Variants in ZNF609 observed in about 807,000 individuals in gnomAD.
ZNF609 encodes the protein zinc finger protein 609.
A neutral mutation model predicts 109.5 loss-of-function variants in ZNF609; 11 were observed. That is an observed-to-expected ratio of 0.10 (90% CI 0.06 to 0.17). The LOEUF is 0.17. Ranked by LOEUF, ZNF609 falls within the 10% of genes least tolerant of loss-of-function variation. The probability of loss-of-function intolerance (pLI) is 1.00; values close to 1 mark genes in which losing one functional copy is unlikely to be tolerated. For synonymous variants in ZNF609, 646 were observed against 662.0 expected (o/e 0.98, Z 0.37); for missense variants, 1,559 against 1,772.4 (o/e 0.88, Z 2.16).
chr15:64,674,637 G>A lies in ZNF609; in HGVS notation c.1783G>A (p.Gly595Arg), dbSNP rs1023310738. 6.2e-7 allele frequency: 1 copy of A among 1,614,130 alleles called. No individual in the cohort carries two copies. The highest frequency in any genetic ancestry group is 8.5e-7 in the Non-Finnish European group (1 of 1,180,030). ...AGGCCTCTGTAAGAAAAAGTTGAGT[G>A]GGGAAGGGGACACAGACCTTGGGGC... is the stretch of plus-strand genomic sequence containing the variant. ...TKGLCKKKLS[G>R]EGDTDLGALS... The change falls in exon 5 of 10, where the codon GGG becomes AGG. Residue 595 changes from glycine to arginine, a missense_variant. Transcript: ENST00000326648.
chr15:64,584,208 G>A (rs1470647308), intron 2 of ZNF609, among the ~76,000 whole-genome samples: 2 of 152,268 alleles, frequency 1.3e-5, no homozygotes, highest in East Asian at 1.9e-4. Context: ...TCTCTGACTC[G>A]GCACTTTGGG....
At chr15:64,462,155 A>G (rs935489297) in intron 1 of ZNF609, among the ~76,000 whole-genome samples, 1 of 152,122 alleles carries the variant, frequency 6.6e-6, no homozygotes, top group Admixed American at 6.5e-5. Flanking sequence ...GGGGCTTGCC[A>G]TTGGAGGAGG....
intron 3 of ZNF609, among the ~76,000 whole-genome samples, chr15:64,656,408 G>A (rs1483401148): frequency 1.3e-5 from 2 of 152,060 alleles, no homozygotes; most frequent in Non-Finnish European, 2.9e-5. Flanking sequence ...CCACCAATCA[G>A]TAACAATTAA....
intron 3 of ZNF609, among the ~76,000 whole-genome samples, chr15:64,645,008 T>TCTTTCTTTCTTCCTTCCTTCCTTC (rs1311156425): frequency 4.3e-5 from 6 of 140,146 alleles, no homozygotes; most frequent in African/African-American, 1.7e-4. Flanking sequence ...TTTCTTTCTT[T>TCTTTCTTTCTTCCTTCCTTCCTTC]CTTCCTTCCT....
intron 3 of ZNF609, among the ~76,000 whole-genome samples, chr15:64,662,827 C>T (rs1424435119): frequency 3.3e-5 from 5 of 151,912 alleles, no homozygotes; most frequent in South Asian, 2.1e-4. Context: ...CACTACTGCC[C>T]GGCTAATTTT....
chr15:64,644,722 A>G (rs528750673), intron 3 of ZNF609, among the ~76,000 whole-genome samples: 4 of 152,324 alleles, frequency 2.6e-5, no homozygotes, highest in South Asian at 2.1e-4. Context: ...GTGACCTGCA[A>G]TGCCATCCAT....
intron 4 of ZNF609, among the ~76,000 whole-genome samples, chr15:64,670,952 G>A (rs1202234833): frequency 4.0e-5 from 6 of 151,522 alleles, no homozygotes; most frequent in Admixed American, 2.0e-4. Context: ...GCTCACGCCT[G>A]TAATCCTAGC....
intron 2 of ZNF609, among the ~76,000 whole-genome samples, chr15:64,536,958 C>A (rs192745195): frequency 0.015 from 2,186 of 145,150 alleles, 68 homozygotes; most frequent in African/African-American, 0.053. Context: ...CACGGTGGCT[C>A]ACACCTGTAA....
intron 2 of ZNF609, among the ~76,000 whole-genome samples, chr15:64,520,304 C>T (rs1260276963): frequency 2.6e-5 from 4 of 152,026 alleles, no homozygotes; most frequent in Admixed American, 2.0e-4. Flanking sequence ...TTATCATATT[C>T]GCTCCAAGGT....
intron 2 of ZNF609, among the ~76,000 whole-genome samples, chr15:64,553,853 C>T (rs927712395): frequency 6.6e-6 from 1 of 152,138 alleles, no homozygotes; most frequent in African/African-American, 2.4e-5. Flanking sequence ...CTGCCTCAGC[C>T]TCCCAAAGTG....
chr15:64,521,835 G>A (rs1191501872), intron 2 of ZNF609, among the ~76,000 whole-genome samples: 1 of 152,208 alleles, frequency 6.6e-6, no homozygotes, highest in Non-Finnish European at 1.5e-5. Flanking sequence ...AAGAGGTGCA[G>A]CTGTGCCACT....
rs770123031 is a variant in ZNF609, at chr15:64,680,259, G to C, written c.3844G>C (p.Ala1282Pro). The change falls in exon 7 of 10, where the codon GCA (alanine) becomes CCA (proline). Residue 1282 changes from alanine (A) to proline (P), a missense_variant. Transcript: ENST00000326648. ...CTCAGGTGGTGAAGATGCTGACAAG[G>C]CACGAGCCAGCCCCAGTGTGACTTG... ...KVSGGEDADKARASPSVTCKS... is the reference protein window; with the variant it reads ...KVSGGEDADKPRASPSVTCKS... The C allele has an allele frequency of 1.2e-6, 2 of 1,614,174 alleles. No individual in the cohort carries two copies. Among genetic ancestry groups the C allele is most frequent in the Non-Finnish European group, 1.7e-6 (2 of 1,180,038 alleles).
intron 2 of ZNF609, among the ~76,000 whole-genome samples, chr15:64,591,946 T>A (rs960259578): frequency 3.9e-5 from 6 of 151,990 alleles, no homozygotes; most frequent in African/African-American, 1.4e-4. Context: ...TGACCTCAGG[T>A]GATCCGCCCG....
chr15:64,645,083 TTCCC>T (rs1261279734), intron 3 of ZNF609, among the ~76,000 whole-genome samples: 2 of 60,016 alleles, frequency 3.3e-5, no homozygotes, highest in African/African-American at 1.6e-4. Flanking sequence ...CTTCCTTTCT[TTCCC>T]TCCCTCCCTC....
At chr15:64,632,771 G>A (rs1288420342) in intron 3 of ZNF609, among the ~76,000 whole-genome samples, 2 of 151,774 alleles carry the variant, frequency 1.3e-5, no homozygotes, top group African/African-American at 4.8e-5. Flanking sequence ...CCTGGCTGTT[G>A]TTGTTTTTGT....
At chr15:64,529,075 C>A (rs1426116361) in intron 2 of ZNF609, 12 of 1,086,902 alleles carry the variant, frequency 1.1e-5, no homozygotes, top group Non-Finnish European at 1.7e-5. Flanking sequence ...GAGAGCCCTG[C>A]AGCCATCACG....
chr15:64,559,739 G>A (rs957742676), intron 2 of ZNF609, among the ~76,000 whole-genome samples: 7 of 152,094 alleles, frequency 4.6e-5, no homozygotes, highest in South Asian at 4.2e-4. Flanking sequence ...CTGAGTGGTC[G>A]CTCAATAAGT....
At chr15:64,659,574 G>C (rs907173615) in intron 3 of ZNF609, among the ~76,000 whole-genome samples, 1 of 152,114 alleles carries the variant, frequency 6.6e-6, no homozygotes, top group Non-Finnish European at 1.5e-5. Flanking sequence ...AGAGGAGACC[G>C]AGAAGCAAAA....
chr15:64,599,812 A>G (rs532562923), intron 2 of ZNF609, among the ~76,000 whole-genome samples: 1 of 152,220 alleles, frequency 6.6e-6, no homozygotes, highest in East Asian at 1.9e-4. Context: ...CTTTAAATAC[A>G]TTGTGTTTGT....
Sources: gnomAD v4.1 joint callset for allele counts (sites outside exome capture counted in the v4.1 genomes callset) on GRCh38, gnomAD v4.1.1 for gene constraint, MANE v1.5 for transcripts, NCBI Gene and HGNC (gene_info 2026-07-23, HGNC 2026-07-21) for gene names.